The following CALN1 variants were observed in gnomAD, a reference collection of about 807,000 sequenced individuals.
CALN1 encodes calcium-binding protein 8.
CALN1 carries 17 observed loss-of-function variants against 30.6 expected under a neutral mutation model. The observed-to-expected ratio is 0.56, with a 90% CI of 0.38 to 0.83. CALN1 has a LOEUF of 0.83. CALN1 is among the 40% of genes least tolerant of loss of function. CALN1 has a pLI of 0.00. For missense variants in CALN1, 291 were observed against 354.9 expected (o/e 0.82, Z 1.45); for synonymous variants, 156 against 131.4 (o/e 1.19, Z -1.28).
At chr7:72,242,257 A>G (rs753510772) in intron 3 of CALN1, among the ~76,000 whole-genome samples, 34 of 152,128 alleles carry the variant, frequency 2.2e-4, no homozygotes, top group Non-Finnish European at 4.1e-4. Flanking sequence ...GCTATACCAC[A>G]TTCTTTCCAC....
chr7:71,874,300 AAAAT>A (rs1373281314), intron 5 of CALN1, among the ~76,000 whole-genome samples: 1 of 148,018 alleles, frequency 6.8e-6, no homozygotes, highest in Non-Finnish European at 1.5e-5. Context: ...AAAAAAAAAA[AAAAT>A]CTAGATTCCC....
intron 2 of CALN1, among the ~76,000 whole-genome samples, chr7:72,286,290 T>C (rs1798073567): frequency 1.3e-5 from 2 of 152,168 alleles, no homozygotes; most frequent in Admixed American, 6.5e-5. Flanking sequence ...CTTCCACCAC[T>C]GTGAAGCAAC....
intron 5 of CALN1, among the ~76,000 whole-genome samples, chr7:71,865,036 A>AAAGC (rs1344290288): frequency 2.0e-5 from 3 of 152,166 alleles, no homozygotes; most frequent in East Asian, 1.9e-4. Flanking sequence ...GAAAGAAAGA[A>AAAGC]AAGCAAGCAA....
intron 5 of CALN1, among the ~76,000 whole-genome samples, chr7:71,925,283 G>T (rs1355248446): frequency 7.8e-6 from 1 of 128,198 alleles, no homozygotes; most frequent in Admixed American, 8.2e-5. Flanking sequence ...AAGCAAGCAA[G>T]CAAGAAAAGA....
At chr7:71,946,993 A>AG (rs1181945125) in intron 5 of CALN1, among the ~76,000 whole-genome samples, 2 of 151,836 alleles carry the variant, frequency 1.3e-5, no homozygotes, top group Non-Finnish European at 2.9e-5. Context: ...GTTTGGTGGG[A>AG]GTTGTGTTTT....
chr7:72,338,470 A>AGTGTGT (rs56695086), intron 2 of CALN1, among the ~76,000 whole-genome samples: 3,008 of 74,630 alleles, frequency 0.04, 185 homozygotes, highest in Middle Eastern at 0.071. Flanking sequence ...CCAGCAGCAC[A>AGTGTGT]GTGTGTGTGT....
At chr7:71,836,953 C>T (rs1033099671) in intron 5 of CALN1, among the ~76,000 whole-genome samples, 31 of 150,572 alleles carry the variant, frequency 2.1e-4, no homozygotes, top group African/African-American at 7.3e-4. Context: ...AGCCACTGGC[C>T]AGGCAAGGTG....
intron 5 of CALN1, among the ~76,000 whole-genome samples, chr7:71,867,190 T>C (rs558386988): frequency 6.6e-6 from 1 of 150,850 alleles, no homozygotes; most frequent in Non-Finnish European, 1.5e-5. Flanking sequence ...CTCAAATTGA[T>C]AGAGTATGAT....
chr7:72,076,646 A>AAAAAAAAAAG (rs1563035689), intron 4 of CALN1, among the ~76,000 whole-genome samples: 3 of 124,532 alleles, frequency 2.4e-5, no homozygotes, highest in African/African-American at 9.7e-5. Flanking sequence ...AAAAAAAAAA[A>AAAAAAAAAAG]AGCAAAGACA....
At chr7:72,130,159 C>T (rs1009622237) in intron 3 of CALN1, among the ~76,000 whole-genome samples, 2 of 152,186 alleles carry the variant, frequency 1.3e-5, no homozygotes, top group African/African-American at 2.4e-5. Flanking sequence ...CAACCTGAGG[C>T]TCTCACCAGA....
chr7:72,501,929 A>AAAAAAAATATATATG, the CALN1 span, among the ~76,000 whole-genome samples: 92 of 58,546 alleles, frequency 1.6e-3, 8 homozygotes, highest in Non-Finnish European at 2.1e-3. Flanking sequence ...AAAAAAAAAA[A>AAAAAAAATATATATG]TATATATATA....
At position 72,016,998 on chromosome 7, in the gene CALN1, C is replaced by CAAAA. The variant is rs754201004; in HGVS notation, c.501+6655_501+6658dup. Among the ~76,000 whole-genome samples, 21 of 31,956 alleles carry CAAAA rather than the reference C, an allele frequency of 6.6e-4. 3 individuals are homozygous for CAAAA. Among genetic ancestry groups the CAAAA allele is most frequent in the African/African-American group, 2.3e-3 (15 of 6,616 alleles). The allele number at this position is 31,956 out of a possible 152,430, so 21.0% of individuals were successfully genotyped here. On this transcript the variant is annotated intron_variant, in intron 5 of 6. Transcript: ENST00000395275. Reference sequence around the variant, plus strand: ...CAAAACCCCGTGTTTACTAAAAATACAAAAAAAAAAAAAAAAAAAGCTGGG... The same window carrying CAAAA: ...CAAAACCCCGTGTTTACTAAAAATACAAAAAAAAAAAAAAAAAAAAAAAGCTGGG...
chr7:71,883,838 C>G (rs537256536), intron 5 of CALN1, among the ~76,000 whole-genome samples: 1 of 152,274 alleles, frequency 6.6e-6, no homozygotes, highest in East Asian at 1.9e-4. Flanking sequence ...CACCGCTGCC[C>G]AAGACACATA....
chr7:72,326,299 T>C (rs1801274156), intron 2 of CALN1, among the ~76,000 whole-genome samples: 1 of 152,198 alleles, frequency 6.6e-6, no homozygotes, highest in African/African-American at 2.4e-5. Flanking sequence ...GGATGAAGGC[T>C]TTAGCTAGTG....
chr7:72,237,176 G>A (rs1234755584), intron 3 of CALN1, among the ~76,000 whole-genome samples: 5 of 151,932 alleles, frequency 3.3e-5, no homozygotes, highest in East Asian at 3.9e-4. Flanking sequence ...TAGAGACGGC[G>A]TTTCACCAAG....
chr7:72,249,555 C>G (rs1019230530), intron 3 of CALN1, among the ~76,000 whole-genome samples: 1 of 143,656 alleles, frequency 7.0e-6, no homozygotes, highest in East Asian at 2.0e-4. Context: ...GTAATCACAG[C>G]CTTTGGGAGG....
intron 5 of CALN1, among the ~76,000 whole-genome samples, chr7:71,877,258 C>G (rs1168990003): frequency 2.0e-5 from 3 of 152,226 alleles, no homozygotes; most frequent in African/African-American, 7.2e-5. Context: ...AAATGTTATT[C>G]TAAATGTTGA....
chr7:71,879,573 G>T (rs986320106), intron 5 of CALN1, among the ~76,000 whole-genome samples: 62 of 152,204 alleles, frequency 4.1e-4, no homozygotes, highest in African/African-American at 1.5e-3. Context: ...TTCCCCAGCT[G>T]GGCTGAGTGC....
chr7:71,878,200 C>T (rs1372028359), intron 5 of CALN1, among the ~76,000 whole-genome samples: 1 of 152,072 alleles, frequency 6.6e-6, no homozygotes, highest in African/African-American at 2.4e-5. Flanking sequence ...CAAAGGATGT[C>T]CATGAGGTAC....
Sources: allele counts gnomAD v4.1 joint callset (sites outside exome capture counted in the v4.1 genomes callset), GRCh38; gene constraint gnomAD v4.1.1; transcripts MANE v1.5; gene names NCBI Gene and HGNC (gene_info 2026-07-23, HGNC 2026-07-21).